Variants in TASP1 observed in about 807,000 individuals in gnomAD.
The protein encoded by TASP1 is threonine aspartase 1.
A neutral mutation model predicts 56.6 loss-of-function variants in TASP1; 16 were observed. The observed-to-expected ratio is 0.28, with a 90% confidence interval of 0.19 to 0.43. The LOEUF is 0.43. Ranked by LOEUF, TASP1 falls within the 20% of genes least tolerant of loss-of-function variation. The probability of loss-of-function intolerance (pLI) is 1.00; values close to 1 mark genes in which losing one functional copy is unlikely to be tolerated. For synonymous variants in TASP1, 179 were observed against 184.2 expected (o/e 0.97, Z 0.23); for missense variants, 393 against 511.6 (o/e 0.77, Z 2.24).
the TASP1 span, among the ~76,000 whole-genome samples, chr20:13,201,414 AT>A: frequency 6.6e-6 from 1 of 151,746 alleles, no homozygotes; most frequent in Non-Finnish European, 1.5e-5. Flanking sequence ...GAGGGGAGAA[AT>A]TTGAATAACT....
intron 13 of TASP1, among the ~76,000 whole-genome samples, chr20:13,406,296 A>G (rs1353414484): frequency 1.3e-5 from 2 of 152,204 alleles, no homozygotes; most frequent in East Asian, 3.8e-4. Context: ...GTGTTTTCCA[A>G]TCCATGAATA....
the TASP1 span, among the ~76,000 whole-genome samples, chr20:13,223,162 A>T: frequency 1.7e-3 from 248 of 146,062 alleles, no homozygotes; most frequent in East Asian, 6.1e-3. Context: ...GTCTCAAAAA[A>T]AAAATAAAAT....
At chr20:13,118,076 C>G in the TASP1 span, among the ~76,000 whole-genome samples, 1 of 151,842 alleles carries the variant, frequency 6.6e-6, no homozygotes, top group Non-Finnish European at 1.5e-5. Flanking sequence ...AATGGGGGGC[C>G]ATATTTAACA....
chr20:13,579,512 C>T (rs1601323557), intron 6 of TASP1, among the ~76,000 whole-genome samples: 1 of 151,884 alleles, frequency 6.6e-6, no homozygotes, highest in Non-Finnish European at 1.5e-5. Flanking sequence ...TACAGGTGCC[C>T]GCCACCATAC....
In TASP1 at chr20:13,631,002, T is replaced by C. The variant is rs76505015; in HGVS notation, c.-74-850A>G. Among the ~76,000 whole-genome samples, 1,289 of 152,252 alleles carry C rather than the reference T, an allele frequency of 8.5e-3. 23 individuals are homozygous for C. The highest frequency in any genetic ancestry group is 0.029 in the African/African-American group (1,216 of 41,562). ...AGCTTTTATTTTTAAGTTTCAAATT[T>C]GTTTGAATGTTTGGTTTTGGGTGGT... On this transcript the variant is annotated intron_variant, in intron 1 of 13. Transcript: ENST00000337743.
At chr20:13,266,318 T>C in the TASP1 span, among the ~76,000 whole-genome samples, 3 of 152,214 alleles carry the variant, frequency 2.0e-5, no homozygotes, top group African/African-American at 7.2e-5. Flanking sequence ...TTCCTGTTTT[T>C]GATAAGTTCT....
At chr20:13,216,997 T>G in the TASP1 span, among the ~76,000 whole-genome samples, 1 of 151,912 alleles carries the variant, frequency 6.6e-6, no homozygotes, top group African/African-American at 2.4e-5. Flanking sequence ...AAGAAACAGG[T>G]TTTGGGGAAC....
At chr20:13,268,337 C>T in the TASP1 span, among the ~76,000 whole-genome samples, 15 of 143,474 alleles carry the variant, frequency 1.0e-4, no homozygotes, top group African/African-American at 1.3e-4. Flanking sequence ...TTCTCCTTCT[C>T]CTTCTTCTTC....
At chr20:13,110,225 A>T in the TASP1 span, 49 of 1,610,964 alleles carry the variant, frequency 3.0e-5, no homozygotes, top group Non-Finnish European at 3.6e-5. Context: ...CAGGTATGTA[A>T]ATAACAGGAC....
At chr20:13,318,160 T>TAAATAAAA in the TASP1 span, among the ~76,000 whole-genome samples, 2 of 151,264 alleles carry the variant, frequency 1.3e-5, no homozygotes, top group South Asian at 4.2e-4. Context: ...AATAAATAAA[T>TAAATAAAA]AAAAATGAGC....
chr20:13,516,939 T>C (rs1298389051), intron 10 of TASP1, among the ~76,000 whole-genome samples: 1 of 151,820 alleles, frequency 6.6e-6, no homozygotes, highest in Non-Finnish European at 1.5e-5. Flanking sequence ...GGGTGATGGG[T>C]AGTGTTAAGA....
At chr20:13,311,216 T>TGACA in the TASP1 span, among the ~76,000 whole-genome samples, 4 of 133,298 alleles carry the variant, frequency 3.0e-5, no homozygotes, top group Non-Finnish European at 6.5e-5. Flanking sequence ...TATAGATAGA[T>TGACA]GATAGATAGA....
At chr20:13,477,923 GA>G (rs1446039408) in intron 11 of TASP1, among the ~76,000 whole-genome samples, 1 of 152,016 alleles carries the variant, frequency 6.6e-6, no homozygotes, top group East Asian at 1.9e-4. Context: ...AATGCAAGTG[GA>G]AACAAAAACA....
chr20:13,143,088 G>C, the TASP1 span, among the ~76,000 whole-genome samples: 1 of 152,168 alleles, frequency 6.6e-6, no homozygotes, highest in East Asian at 1.9e-4. Context: ...GCTTCAACTT[G>C]AGCACTGAGA....
the TASP1 span, among the ~76,000 whole-genome samples, chr20:13,360,334 A>G: frequency 6.7e-6 from 1 of 149,840 alleles, no homozygotes; most frequent in East Asian, 1.9e-4. Context: ...GACAGCCCCC[A>G]TTACTTCAAT....
the TASP1 span, chr20:13,117,355 G>A: frequency 4.5e-6 from 3 of 659,964 alleles, no homozygotes; most frequent in Non-Finnish European, 2.4e-6. Flanking sequence ...TTACAAGATT[G>A]AAAGGGTTGT....
At chr20:13,367,144 C>G in the TASP1 span, among the ~76,000 whole-genome samples, 1 of 152,134 alleles carries the variant, frequency 6.6e-6, no homozygotes, top group Middle Eastern at 3.2e-3. Flanking sequence ...CCTCAAAAGA[C>G]CCTCCCGATT....
the TASP1 span, among the ~76,000 whole-genome samples, chr20:13,230,060 C>T: frequency 6.6e-6 from 1 of 152,150 alleles, no homozygotes; most frequent in Admixed American, 6.5e-5. Flanking sequence ...TTATTCACTT[C>T]TACTCATAGT....
At chr20:13,229,324 G>T in the TASP1 span, among the ~76,000 whole-genome samples, 1 of 152,132 alleles carries the variant, frequency 6.6e-6, no homozygotes, top group South Asian at 2.1e-4. Context: ...GTGCACAATT[G>T]TAGGCAATTT....
Sources: allele counts gnomAD v4.1 joint callset (sites outside exome capture counted in the v4.1 genomes callset), GRCh38; gene constraint gnomAD v4.1.1; transcripts MANE v1.5; gene names NCBI Gene and HGNC (gene_info 2026-07-23, HGNC 2026-07-21).